Variants in DPP10 observed in about 807,000 individuals in gnomAD.
DPP10 encodes inactive dipeptidyl peptidase 10.
DPP10 carries 33 observed loss-of-function variants against 120.9 expected under a neutral mutation model. The ratio of observed to expected loss-of-function variants is 0.27; its 90% CI spans 0.21 to 0.37. DPP10 has a LOEUF of 0.37. Ranked by LOEUF, DPP10 falls within the 10% of genes least tolerant of loss-of-function variation. The probability of loss-of-function intolerance (pLI) is 1.00; values close to 1 mark genes in which losing one functional copy is unlikely to be tolerated. For missense variants in DPP10, 816 were observed against 942.8 expected, an observed-to-expected ratio of 0.87 and a Z score of 1.76; for synonymous variants, 337 against 326.1, an observed-to-expected ratio of 1.03 and a Z score of -0.36.
chr2:115,012,089 A>G (rs956197345), intron 1 of DPP10, among the ~76,000 whole-genome samples: 1 of 151,982 alleles, frequency 6.6e-6, no homozygotes, highest in African/African-American at 2.4e-5. Flanking sequence ...ACTCCATTGG[A>G]CTGAGAACCA....
At chr2:115,033,898 T>C (rs1009920771) in intron 1 of DPP10, among the ~76,000 whole-genome samples, 5 of 133,468 alleles carry the variant, frequency 3.7e-5, no homozygotes, top group African/African-American at 1.1e-4. Flanking sequence ...TTTTTCTTTT[T>C]TTTTTTTTTT....
chr2:114,574,088 G>T (rs76200466), intron 1 of DPP10, among the ~76,000 whole-genome samples: 2,123 of 152,284 alleles, frequency 0.014, 47 homozygotes, highest in African/African-American at 0.048. Flanking sequence ...TTTATGCAAT[G>T]ATGGGGAAGA....
At chr2:114,883,279 T>C (rs987570518) in intron 1 of DPP10, among the ~76,000 whole-genome samples, 7 of 152,182 alleles carry the variant, frequency 4.6e-5, no homozygotes, top group Admixed American at 3.9e-4. Context: ...TCTGTGCTCG[T>C]GTTTCTTATA....
intron 1 of DPP10, among the ~76,000 whole-genome samples, chr2:115,152,204 C>G (rs1188658006): frequency 6.6e-6 from 1 of 152,172 alleles, no homozygotes; most frequent in African/African-American, 2.4e-5. Flanking sequence ...GGCCATATGG[C>G]CTGTCACAAA....
rs117470954 is a variant in DPP10, at chr2:115,042,704, A to G, written c.61-266535A>G. On this transcript the variant is annotated intron_variant, in intron 1 of 25. Coordinates refer to ENST00000410059, the MANE Select transcript of DPP10 (RefSeq NM_020868.6). ...GACAAATGAGCTATTCAAAGAGCAG[A>G]GGGTCACAAATAGAACTAGCGTTCT... 9.8e-5 allele frequency among the ~76,000 whole-genome samples: 15 copies of G among 152,346 alleles called. No individual in the cohort carries two copies. The East Asian group carries it at 2.9e-3, about 29-fold the overall frequency.
At chr2:115,555,212 A>G (rs950162193) in intron 5 of DPP10, among the ~76,000 whole-genome samples, 4 of 152,134 alleles carry the variant, frequency 2.6e-5, no homozygotes, top group South Asian at 2.1e-4. Context: ...CCTATTTTAT[A>G]TGCTCTTTCC....
intron 1 of DPP10, among the ~76,000 whole-genome samples, chr2:115,141,257 T>G (rs1181781691): frequency 6.6e-6 from 1 of 152,172 alleles, no homozygotes; most frequent in Non-Finnish European, 1.5e-5. Flanking sequence ...CTCTTTCAGG[T>G]TGTATCAGGA....
In DPP10 at chr2:114,967,100, G is replaced by T. The variant is rs1430863709; in HGVS notation, c.61-342139G>T. Reference sequence around the variant, plus strand: ...CAAGAGAGAAAGTGGAGACAGCAGGGTCAGTAATATTTTCAATGAGTTTTG... The same window carrying T: ...CAAGAGAGAAAGTGGAGACAGCAGGTTCAGTAATATTTTCAATGAGTTTTG... On this transcript the variant is annotated intron_variant, in intron 1 of 25. Coordinates refer to ENST00000410059, the MANE Select transcript of DPP10 (RefSeq NM_020868.6). Among the ~76,000 whole-genome samples, 4 of 151,886 alleles carry T rather than the reference G, an allele frequency of 2.6e-5. No individual in the cohort carries two copies. In the East Asian group the frequency reaches 5.8e-4, roughly 22 times the overall value.
Position 115,669,719 on chromosome 2 carries a change from A to G in DPP10, c.442-19968A>G, listed in dbSNP as rs992886562. Among the ~76,000 whole-genome samples the G allele has an allele frequency of 2.6e-5, 4 of 152,144 alleles. No individual in the cohort carries two copies. The South Asian group carries it at 6.2e-4, about 24-fold the overall frequency. On this transcript the variant is annotated intron_variant, in intron 5 of 25. Transcript: ENST00000410059. ...TTCTGTTCCAGATTTGTTATCAAACATTGCATGATGCTTATTAGCTCTGAG... is the reference window on the plus strand; with the variant it reads ...TTCTGTTCCAGATTTGTTATCAAACGTTGCATGATGCTTATTAGCTCTGAG...
chr2:114,846,814 T>G (rs1319256819), intron 1 of DPP10, among the ~76,000 whole-genome samples: 1 of 152,168 alleles, frequency 6.6e-6, no homozygotes, highest in East Asian at 1.9e-4. Context: ...CCAATTAGGC[T>G]GTCTCCAAAT....
At chr2:115,695,314 A>G (rs1343346359) in intron 7 of DPP10, among the ~76,000 whole-genome samples, 1 of 152,230 alleles carries the variant, frequency 6.6e-6, no homozygotes, top group Non-Finnish European at 1.5e-5. Context: ...AACATAAAAT[A>G]GAAAACCATG....
At chr2:115,092,776 T>C (rs1709385361) in intron 1 of DPP10, among the ~76,000 whole-genome samples, 1 of 152,064 alleles carries the variant, frequency 6.6e-6, no homozygotes, top group Non-Finnish European at 1.5e-5. Context: ...TTTGATTGAG[T>C]TTTTAAGAGA....
intron 3 of DPP10, among the ~76,000 whole-genome samples, chr2:115,443,902 G>A (rs1038288335): frequency 6.6e-5 from 10 of 152,176 alleles, no homozygotes; most frequent in Non-Finnish European, 1.5e-4. Flanking sequence ...TTGTTTAGCA[G>A]CATTCCTGGC....
chr2:115,747,966 T>C (rs111311767), intron 10 of DPP10, among the ~76,000 whole-genome samples: 3,807 of 152,300 alleles, frequency 0.025, 161 homozygotes, highest in African/African-American at 0.085. Flanking sequence ...AAATTTACAA[T>C]ATCCATGTTT....
At chr2:115,423,934 G>A (rs2070218870) in intron 3 of DPP10, among the ~76,000 whole-genome samples, 2 of 152,014 alleles carry the variant, frequency 1.3e-5, no homozygotes, top group Admixed American at 1.3e-4. Context: ...TGCATTCATG[G>A]TTATGCCAAA....
intron 1 of DPP10, among the ~76,000 whole-genome samples, chr2:114,821,525 C>A (rs1439586648): frequency 6.6e-6 from 1 of 152,136 alleles, no homozygotes; most frequent in Admixed American, 6.5e-5. Flanking sequence ...AAAAACACAA[C>A]CCCACTTTCC....
chr2:115,245,319 C>A (rs1472588289), intron 1 of DPP10, among the ~76,000 whole-genome samples: 1 of 151,784 alleles, frequency 6.6e-6, no homozygotes, highest in Non-Finnish European at 1.5e-5. Context: ...GGGCAAAGGA[C>A]ATGAATAGAC....
At chr2:114,544,627 AT>A (rs1273149619) in intron 1 of DPP10, among the ~76,000 whole-genome samples, 1 of 152,076 alleles carries the variant, frequency 6.6e-6, no homozygotes, top group Non-Finnish European at 1.5e-5. Context: ...GGGGACTCAA[AT>A]TTGTTTAGCA....
At chr2:114,721,215 A>G (rs1464009818) in intron 1 of DPP10, among the ~76,000 whole-genome samples, 1 of 152,122 alleles carries the variant, frequency 6.6e-6, no homozygotes, top group Non-Finnish European at 1.5e-5. Flanking sequence ...TCATTCTATC[A>G]TTCTTCTCTG....
Sources: gnomAD v4.1 joint callset for allele counts (sites outside exome capture counted in the v4.1 genomes callset) on GRCh38, gnomAD v4.1.1 for gene constraint, MANE v1.5 for transcripts, NCBI Gene and HGNC (gene_info 2026-07-23, HGNC 2026-07-21) for gene names.